Variants in KPNA4 observed in about 807,000 individuals in gnomAD.
KPNA4 encodes the protein importin subunit alpha-3.
A neutral mutation model predicts 71.3 loss-of-function variants in KPNA4; 13 were observed. The observed-to-expected ratio is 0.18, with a 90% CI of 0.12 to 0.29. The LOEUF (loss-of-function observed/expected upper bound fraction) is 0.29. Among genes scored for constraint, KPNA4 ranks in the 10% least tolerant of loss-of-function variants. The pLI is 1.00. For synonymous variants in KPNA4, 189 were observed against 195.2 expected (o/e 0.97, Z 0.26); for missense variants, 334 against 603.2 (o/e 0.55, Z 4.67).
At chr3:160,564,253 G>C (rs1037628234) in intron 1 of KPNA4, 1 of 152,082 alleles carries the variant, frequency 6.6e-6, no homozygotes, top group African/African-American at 2.4e-5. Context: ...GACAATCTCG[G>C]GAGCAGCTGT....
At chr3:160,524,115 A>G (rs961721926) in intron 10 of KPNA4, among the ~76,000 whole-genome samples, 2 of 152,184 alleles carry the variant, frequency 1.3e-5, no homozygotes, top group Non-Finnish European at 2.9e-5. Context: ...TTAGTAAGCA[A>G]TATTATTTGT....
chr3:160,545,278 A>G (rs1324356444), intron 1 of KPNA4, among the ~76,000 whole-genome samples: 1 of 152,218 alleles, frequency 6.6e-6, no homozygotes. Flanking sequence ...CACTATTTTA[A>G]AAGCCCTCTA....
intron 13 of KPNA4, among the ~76,000 whole-genome samples, chr3:160,512,637 G>C (rs62272787): frequency 0.045 from 6,861 of 152,256 alleles, 226 homozygotes; most frequent in Middle Eastern, 0.078. Context: ...TTGGAGACCA[G>C]CCTGGCCAAC....
In KPNA4 at chr3:160,519,309, G is replaced by T. The variant is rs112152692; in HGVS notation, c.903+2470C>A. Among the ~76,000 whole-genome samples the T allele has an allele frequency of 1.7e-3, 260 of 152,288 alleles. 1 individual carries two copies. Among genetic ancestry groups the T allele is most frequent in the African/African-American group, 5.8e-3 (241 of 41,556 alleles). On this transcript the variant is annotated intron_variant, in intron 11 of 16. Transcript: ENST00000334256. ...TAAATTGAAAAGAGGAAAGATAAAA[G>T]AAAGGAGAAGAAAGTTGCACAGTAA...
intron 1 of KPNA4, among the ~76,000 whole-genome samples, chr3:160,563,416 TC>T (rs1183989765): frequency 1.3e-5 from 2 of 152,216 alleles, no homozygotes; most frequent in African/African-American, 4.8e-5. Context: ...AGTACAGGTT[TC>T]TTTTTGGGGC....
At chr3:160,531,841 A>G (rs1008408167) in intron 5 of KPNA4, among the ~76,000 whole-genome samples, 1 of 152,046 alleles carries the variant, frequency 6.6e-6, no homozygotes, top group African/African-American at 2.4e-5. Flanking sequence ...TGCCCAGGCT[A>G]GAGTGCAGTG....
At chr3:160,538,365 T>C (rs1212624894) in intron 1 of KPNA4, among the ~76,000 whole-genome samples, 1 of 152,000 alleles carries the variant, frequency 6.6e-6, no homozygotes, top group Non-Finnish European at 1.5e-5. Flanking sequence ...AAAGAGGTGA[T>C]TTTTATTGGT....
chr3:160,563,591 G>C (rs1722285637), intron 1 of KPNA4, among the ~76,000 whole-genome samples: 1 of 152,222 alleles, frequency 6.6e-6, no homozygotes, highest in African/African-American at 2.4e-5. Context: ...ATAGGGATCT[G>C]TCAAGCACCT....
At chr3:160,521,672 T>C in intron 11 of KPNA4, 107 bp downstream of exon 11, 1 of 974,568 alleles carries the variant, frequency 1.0e-6, no homozygotes, top group East Asian at 2.4e-5. Flanking sequence ...GATTTGTTGT[T>C]ATGCTAAGAA....
chr3:160,511,536 A>ATT (rs1721094328), intron 13 of KPNA4, among the ~76,000 whole-genome samples: 1 of 152,116 alleles, frequency 6.6e-6, no homozygotes. Flanking sequence ...GAATAAGAAA[A>ATT]ACAAGGAATA....
At chr3:160,559,364 A>G (rs1722199906) in intron 1 of KPNA4, among the ~76,000 whole-genome samples, 1 of 152,196 alleles carries the variant, frequency 6.6e-6, no homozygotes, top group African/African-American at 2.4e-5. Flanking sequence ...CAGATTCTCA[A>G]TACTTAAGAT....
rs1577051660 is a variant in KPNA4 at position 160,521,881 on chromosome 3, A to G, written c.801T>C (p.Ser267=). The stretch of plus-strand genomic sequence containing the variant: ...GTTCATTGCCAGCATCAGTAAGGTA[A>G]GAGAGGGCCCAGACTGTGTCTACCA... ...NILVDTVWAL[S]YLTDAGNEQI... The change falls in exon 11 of 17, where the codon TCT becomes TCC. Residue 267 remains serine (S), a synonymous_variant. Coordinates refer to ENST00000334256, the MANE Select transcript of KPNA4 (RefSeq NM_002268.5). The G allele has an allele frequency of 1.2e-6, 2 of 1,613,014 alleles. No homozygotes were observed. Among genetic ancestry groups the G allele is most frequent in the Non-Finnish European group, 1.7e-6 (2 of 1,179,362 alleles).
At chr3:160,556,443 G>C (rs1722138796) in intron 1 of KPNA4, among the ~76,000 whole-genome samples, 1 of 152,110 alleles carries the variant, frequency 6.6e-6, no homozygotes, top group South Asian at 2.1e-4. Context: ...TCATGCTTTA[G>C]AGCTGTGTTT....
intron 16 of KPNA4, among the ~76,000 whole-genome samples, chr3:160,503,660 T>C (rs1720924428): frequency 6.6e-6 from 1 of 152,192 alleles, no homozygotes; most frequent in Non-Finnish European, 1.5e-5. Flanking sequence ...CTTTTCACAA[T>C]CTAAGTCAAG....
chr3:160,526,486 ATTACTC>A (rs1577053268), intron 8 of KPNA4, among the ~76,000 whole-genome samples: 1 of 152,244 alleles, frequency 6.6e-6, no homozygotes, highest in Admixed American at 6.5e-5. Context: ...TGAACTATAA[ATTACTC>A]TATACACTTA....
intron 1 of KPNA4, among the ~76,000 whole-genome samples, chr3:160,544,583 A>C (rs1199077996): frequency 6.6e-6 from 1 of 152,248 alleles, no homozygotes; most frequent in Admixed American, 6.5e-5. Flanking sequence ...AAAACTTTGA[A>C]TCCTTAACAG....
At chr3:160,550,992 G>A (rs536898116) in intron 1 of KPNA4, among the ~76,000 whole-genome samples, 7 of 152,194 alleles carry the variant, frequency 4.6e-5, no homozygotes, top group African/African-American at 1.7e-4. Flanking sequence ...TCTTTTTCTG[G>A]TTTTAGTATC....
intron 1 of KPNA4, among the ~76,000 whole-genome samples, chr3:160,551,808 G>A (rs1207428954): frequency 1.3e-5 from 2 of 152,222 alleles, no homozygotes; most frequent in African/African-American, 4.8e-5. Flanking sequence ...TCTGGGTTGA[G>A]AAGTGAAAAC....
chr3:160,557,949 T>C (rs1287214532), intron 1 of KPNA4, among the ~76,000 whole-genome samples: 5 of 152,306 alleles, frequency 3.3e-5, no homozygotes, highest in Admixed American at 6.5e-5. Context: ...CTCAAAGCAA[T>C]AGGATTACAG....
Sources: allele counts gnomAD v4.1 joint callset (sites outside exome capture counted in the v4.1 genomes callset), GRCh38; gene constraint gnomAD v4.1.1; transcripts MANE v1.5; gene names NCBI Gene and HGNC (gene_info 2026-07-23, HGNC 2026-07-21).